The following CFAP418 variants were observed in gnomAD, a reference collection of about 807,000 sequenced individuals.
CFAP418 encodes cilia- and flagella-associated protein 418.
Under a neutral mutation model 24.7 loss-of-function variants are expected in CFAP418, and 27 were observed. The observed-to-expected ratio is 1.09, with a 90% CI of 0.81 to 1.51. CFAP418 has a LOEUF of 1.51. CFAP418 is among the 40% of genes most tolerant of loss of function. The probability of loss-of-function intolerance (pLI) is 0.00; values close to 1 mark genes in which losing one functional copy is unlikely to be tolerated. For synonymous variants in CFAP418, 74 were observed against 87.3 expected (o/e 0.85, Z 0.85); for missense variants, 257 against 255.2 (o/e 1.01, Z -0.05).
At chr8:95,263,824 A>AGG (rs1206851284) in intron 1 of CFAP418, 50 bp from the exon 2 acceptor site, 1 of 1,057,266 alleles carries the variant, frequency 9.5e-7, no homozygotes, top group African/African-American at 1.6e-5. Flanking sequence ...TTATGAGCAG[A>AGG]GAAAGCTAGT....
At chr8:95,256,554 C>G (rs1349339672) in intron 4 of CFAP418, among the ~76,000 whole-genome samples, 1 of 152,214 alleles carries the variant, frequency 6.6e-6, no homozygotes, top group African/African-American at 2.4e-5. Context: ...TTGTAAGTGG[C>G]AGAGTGAGGC....
intron 4 of CFAP418, among the ~76,000 whole-genome samples, 165 bp downstream of exon 4, chr8:95,259,675 T>C (rs935708251): frequency 6.6e-6 from 1 of 152,166 alleles, no homozygotes; most frequent in Non-Finnish European, 1.5e-5. Context: ...CAGCTTTCAA[T>C]AGCTATCTCC....
rs1374551401 is a variant in CFAP418, at chr8:95,245,895, C to A, written c.*1722G>T. The A allele has an allele frequency of 6.6e-6, 1 of 152,034 alleles. No individual in the cohort carries two copies. The highest frequency in any genetic ancestry group is 1.9e-4 in the East Asian group (1 of 5,200). The allele number at this position is 152,034 out of a possible 1,614,324, so 9.4% of individuals were successfully genotyped here. A position where few individuals can be genotyped will look rare whatever the true frequency, so the allele number is the denominator to read the frequency against. On this transcript the variant is annotated 3_prime_UTR_variant, in exon 6 of 6. Coordinates refer to ENST00000286688, the MANE Select transcript of CFAP418 (RefSeq NM_177965.4). ...GCTATTTTTTTCCAGCAGTCGACTT[C>A]AATCGACATCCCCCTAGGTTTCTGA...
rs1049708476 is a variant in CFAP418, at chr8:95,268,075, G to A, written c.155+960C>T. Among the ~76,000 whole-genome samples, 5 of 152,274 alleles carry A rather than the reference G, an allele frequency of 3.3e-5. No homozygotes were observed. The East Asian group carries it at 9.6e-4, about 29-fold the overall frequency. On this transcript the variant is annotated intron_variant, in intron 1 of 5. Transcript: ENST00000286688. The stretch of plus-strand genomic sequence containing the variant: ...CTAGGGGGCCATGGAGAGAAGGAAG[G>A]TAGACGGTTTAATGTTCACAATAAT...
At chr8:95,247,877 T>C in intron 5 of CFAP418, 107 bp from the exon 6 acceptor site, 1 of 1,202,416 alleles carries the variant, frequency 8.3e-7, no homozygotes, top group South Asian at 1.6e-5. Context: ...TTTTTGTTTT[T>C]AGGAGTCTCA....
chr8:95,258,788 T>C (rs1025305863), intron 4 of CFAP418, among the ~76,000 whole-genome samples: 4 of 152,202 alleles, frequency 2.6e-5, no homozygotes, highest in Admixed American at 2.6e-4. Flanking sequence ...CTTTTTAATA[T>C]TTAGATACAC....
chr8:95,263,803 T>G (rs749037313), intron 1 of CFAP418, 29 bp from the exon 2 acceptor site: 13 of 1,350,972 alleles, frequency 9.6e-6, no homozygotes, highest in African/African-American at 1.4e-5. Context: ...CAAAGAAAAC[T>G]TACCTGAGGT....
chr8:95,248,120 G>A (rs1339469544), intron 5 of CFAP418, among the ~76,000 whole-genome samples: 5 of 152,104 alleles, frequency 3.3e-5, no homozygotes, highest in Non-Finnish European at 7.4e-5. Flanking sequence ...GAGATTGCAG[G>A]CATGAACCAT....
At chr8:95,263,210 G>C (rs972192769) in intron 2 of CFAP418, among the ~76,000 whole-genome samples, 1 of 152,086 alleles carries the variant, frequency 6.6e-6, no homozygotes, top group Non-Finnish European at 1.5e-5. Flanking sequence ...TCAGTATATA[G>C]GTTGCTGTTA....
At chr8:95,254,224 T>C (rs1356839671) in intron 4 of CFAP418, among the ~76,000 whole-genome samples, 1 of 152,240 alleles carries the variant, frequency 6.6e-6, no homozygotes, top group East Asian at 1.9e-4. Flanking sequence ...GTTTTATCTG[T>C]AGTACTTATT....
At chr8:95,262,976 C>T (rs1475714834) in intron 2 of CFAP418, among the ~76,000 whole-genome samples, 1 of 152,032 alleles carries the variant, frequency 6.6e-6, no homozygotes, top group Non-Finnish European at 1.5e-5. Flanking sequence ...GACTACTGTA[C>T]ACAGTTAGAA....
At chr8:95,252,096 A>G in intron 5 of CFAP418, 92 bp downstream of exon 5, 1 of 924,868 alleles carries the variant, frequency 1.1e-6, no homozygotes, top group Non-Finnish European at 1.7e-6. Flanking sequence ...AGCCCACAAG[A>G]TCTGGCTGAA....
In CFAP418 at chr8:95,247,657, T is replaced by C. The variant is rs1587347531; in HGVS notation, c.584A>G (p.Gln195Arg). The part of the protein sequence containing the change: ...WRTIEEVTDL[Q>R]TDHQLRWVCG... ...AACCCAGCGAAGCTGATGATCTGTC[T>C]GAAGGTCAGTCACTTCTTCAATAGT... The change falls in exon 6 of 6, where the codon CAG becomes CGG. Residue 195 changes from glutamine (Q) to arginine (R), a missense_variant. Transcript: ENST00000286688. 1 of 1,614,226 alleles carries C rather than the reference T, an allele frequency of 6.2e-7. No individual in the cohort carries two copies. The highest frequency in any genetic ancestry group is 2.2e-5 in the East Asian group (1 of 44,886).
intron 4 of CFAP418, among the ~76,000 whole-genome samples, chr8:95,256,185 TAATGA>T (rs55910124): frequency 0.063 from 9,579 of 152,314 alleles, 386 homozygotes; most frequent in Non-Finnish European, 0.088. Flanking sequence ...AAGAAAATCT[TAATGA>T]AATGTTTACT....
At chr8:95,263,610 G>A (rs1811927178) in intron 2 of CFAP418, 77 bp downstream of exon 2, 3 of 841,936 alleles carry the variant, frequency 3.6e-6, no homozygotes, top group Non-Finnish European at 5.8e-6. Flanking sequence ...GTAGCTACTT[G>A]TGTCATCTTT....
intron 5 of CFAP418, among the ~76,000 whole-genome samples, chr8:95,251,361 G>C (rs1469094590): frequency 6.6e-6 from 1 of 152,184 alleles, no homozygotes; most frequent in Non-Finnish European, 1.5e-5. Context: ...CATCCCAAGA[G>C]GTAAAGAGGT....
At chr8:95,263,796 A>G in intron 1 of CFAP418, 22 bp from the exon 2 acceptor site, 2 of 1,462,062 alleles carry the variant, frequency 1.4e-6, no homozygotes, top group Non-Finnish European at 1.9e-6. Context: ...ACATACACAA[A>G]GAAAACTTAC....
chr8:95,260,528 A>AATTT lies in CFAP418; in HGVS notation c.244_247dup (p.Leu83Ter), dbSNP rs1460894630. On this transcript the variant is annotated stop_gained and frameshift_variant, in exon 3 of 6. Transcript: ENST00000286688. LOFTEE classifies it high-confidence loss of function. ...TGTGTTACCTGAAGATTTAGATTTT[A>AATTT]ATTTCTGTTAAAAAAGCAAAACAAT... is the stretch of plus-strand genomic sequence containing the variant. The AATTT allele has an allele frequency of 6.3e-7, 1 of 1,580,352 alleles. No homozygotes were observed. Among genetic ancestry groups the AATTT allele is most frequent in the Admixed American group, 2.0e-5 (1 of 51,234 alleles).
chr8:95,264,781 A>G (rs541329203), intron 1 of CFAP418, among the ~76,000 whole-genome samples: 22 of 152,346 alleles, frequency 1.4e-4, no homozygotes, highest in African/African-American at 5.3e-4. Context: ...ACCTGATATA[A>G]GAAAAGCAAG....
Sources: gnomAD v4.1 joint callset for allele counts (sites outside exome capture counted in the v4.1 genomes callset) on GRCh38, gnomAD v4.1.1 for gene constraint, MANE v1.5 for transcripts, NCBI Gene and HGNC (gene_info 2026-07-23, HGNC 2026-07-21) for gene names.